Variants in STK4 observed in about 807,000 individuals in gnomAD.
STK4 encodes serine/threonine-protein kinase 4.
STK4 carries 30 observed loss-of-function variants against 64.9 expected under a neutral mutation model. The observed-to-expected ratio is 0.46, with a 90% CI of 0.35 to 0.63. The LOEUF (loss-of-function observed/expected upper bound fraction) is 0.63, where lower values mean the gene tolerates loss of function less well. Ranked by LOEUF, STK4 falls within the 20% of genes least tolerant of loss-of-function variation. STK4 has a pLI of 0.01. For synonymous variants in STK4, 177 were observed against 199.0 expected, an observed-to-expected ratio of 0.89 and a Z score of 0.93; for missense variants, 466 against 598.5, an observed-to-expected ratio of 0.78 and a Z score of 2.31.
intron 9 of STK4, among the ~76,000 whole-genome samples, chr20:45,014,838 G>A (rs533215456): frequency 4.3e-4 from 66 of 152,262 alleles, no homozygotes; most frequent in African/African-American, 1.6e-3. Flanking sequence ...AGGTCAATGG[G>A]AGGCAGAACT....
intron 9 of STK4, among the ~76,000 whole-genome samples, chr20:45,010,847 G>A (rs998345716): frequency 6.6e-5 from 10 of 152,116 alleles, no homozygotes; most frequent in African/African-American, 2.4e-4. Context: ...AGAAAGAAAG[G>A]ACAGATGGTT....
rs1239159681 is a variant in STK4, at chr20:45,055,896, C to A, written c.1306-19122C>A. On this transcript the variant is annotated intron_variant, in intron 10 of 10. Transcript: ENST00000372806. ...TAGAGGTGCACACCACCATGCCTGG[C>A]TAATTTTTGTATTTTTAGGAGAGAC... 3.9e-5 allele frequency among the ~76,000 whole-genome samples: 6 copies of A among 152,074 alleles called. No individual in the cohort carries two copies. In the East Asian group the frequency reaches 1.2e-3, roughly 29 times the overall value.
chr20:44,999,791 A>G (rs1367201869), intron 7 of STK4, among the ~76,000 whole-genome samples: 1 of 152,216 alleles, frequency 6.6e-6, no homozygotes, highest in African/African-American at 2.4e-5. Context: ...GTAGTTGGAA[A>G]TGCTACCATA....
At chr20:45,034,495 A>G (rs1288284623) in intron 10 of STK4, among the ~76,000 whole-genome samples, 2 of 152,230 alleles carry the variant, frequency 1.3e-5, no homozygotes, top group Non-Finnish European at 2.9e-5. Flanking sequence ...CCCATGTGGA[A>G]GTGTAAATGC....
intron 10 of STK4, among the ~76,000 whole-genome samples, chr20:45,034,498 G>A (rs1488683548): frequency 1.3e-5 from 2 of 152,184 alleles, no homozygotes; most frequent in African/African-American, 4.8e-5. Context: ...ATGTGGAAGT[G>A]TAAATGCATA....
chr20:45,002,755 T>C (rs1006609182), intron 9 of STK4, among the ~76,000 whole-genome samples: 1 of 152,074 alleles, frequency 6.6e-6, no homozygotes, highest in Non-Finnish European at 1.5e-5. Context: ...CAAAAAGCAA[T>C]TAGTAAACAC....
At chr20:45,037,002 CA>C (rs2068538477) in intron 10 of STK4, among the ~76,000 whole-genome samples, 1 of 152,138 alleles carries the variant, frequency 6.6e-6, no homozygotes, top group Non-Finnish European at 1.5e-5. Flanking sequence ...TACAGTTATA[CA>C]GACAGTTAGT....
rs542389989 is a variant in STK4 at position 45,077,554 on chromosome 20, T to G, written c.*2378T>G. On this transcript the variant is annotated 3_prime_UTR_variant, in exon 11 of 11. Coordinates refer to ENST00000372806, the MANE Select transcript of STK4 (RefSeq NM_006282.5). Reference sequence around the variant, plus strand: ...CATATGCCACCATGCCCAGATTATTTTTTTGTATTTGTAGTAGAGACGGGG... The same window carrying G: ...CATATGCCACCATGCCCAGATTATTGTTTTGTATTTGTAGTAGAGACGGGG... 1 of 152,378 alleles carries G rather than the reference T, an allele frequency of 6.6e-6. No homozygotes were observed. Among genetic ancestry groups the G allele is most frequent in the Admixed American group, 6.5e-5 (1 of 15,296 alleles). The allele number at this position is 152,378 out of a possible 1,614,324, so 9.4% of individuals were successfully genotyped here. A position where few individuals can be genotyped will look rare whatever the true frequency, so the allele number is the denominator to read the frequency against.
intron 10 of STK4, among the ~76,000 whole-genome samples, chr20:45,042,626 T>G (rs929459256): frequency 3.9e-5 from 6 of 152,212 alleles, no homozygotes; most frequent in Non-Finnish European, 5.9e-5. Flanking sequence ...CCAGTAATGC[T>G]GGAATGGAAA....
intron 10 of STK4, among the ~76,000 whole-genome samples, chr20:45,032,396 G>T (rs2068460150): frequency 6.6e-6 from 1 of 152,104 alleles, no homozygotes; most frequent in Non-Finnish European, 1.5e-5. Context: ...TAACCCATAG[G>T]TAGTTTTTCG....
At chr20:45,051,433 T>C (rs1289424057) in intron 10 of STK4, among the ~76,000 whole-genome samples, 2 of 152,228 alleles carry the variant, frequency 1.3e-5, no homozygotes, top group Admixed American at 1.3e-4. Context: ...CAAATTCAAA[T>C]CCTTACTGTC....
chr20:44,995,341 C>G (rs2067709205), intron 6 of STK4, 84 bp downstream of exon 6: 1 of 1,484,298 alleles, frequency 6.7e-7, no homozygotes, highest in Non-Finnish European at 9.0e-7. Context: ...TGTTGTGGCT[C>G]ACACGTGTAA....
intron 10 of STK4, among the ~76,000 whole-genome samples, chr20:45,054,588 A>T (rs1407985831): frequency 6.0e-5 from 9 of 150,800 alleles, no homozygotes; most frequent in Admixed American, 3.3e-4. Context: ...CAAAAAAAAA[A>T]AAAAAGGAAA....
In STK4 at chr20:45,080,006, A is replaced by G. The variant is rs775120231; in HGVS notation, c.*4830A>G. Reference sequence around the variant, plus strand: ...AGCCTGGATAATGGTGTTGTGAACAATCTTTGTGACATTGACTCAGTGGTG... The same window carrying G: ...AGCCTGGATAATGGTGTTGTGAACAGTCTTTGTGACATTGACTCAGTGGTG... On this transcript the variant is annotated 3_prime_UTR_variant, in exon 11 of 11. Coordinates refer to ENST00000372806, the MANE Select transcript of STK4 (RefSeq NM_006282.5). 5 of 152,340 alleles carry G rather than the reference A, an allele frequency of 3.3e-5. No individual in the cohort carries two copies. The highest frequency in any genetic ancestry group is 7.3e-5 in the Non-Finnish European group (5 of 68,036). 9.4% of individuals were successfully genotyped at this position (152,340 alleles called of 1,614,324 possible). A position where few individuals can be genotyped will look rare whatever the true frequency, so the allele number is the denominator to read the frequency against.
chr20:45,052,345 T>C (rs1472034966), intron 10 of STK4, among the ~76,000 whole-genome samples: 1 of 152,254 alleles, frequency 6.6e-6, no homozygotes, highest in Non-Finnish European at 1.5e-5. Context: ...GATATTATTT[T>C]ACACAGCTGA....
At chr20:45,053,891 A>G (rs1262259986) in intron 10 of STK4, among the ~76,000 whole-genome samples, 2 of 151,868 alleles carry the variant, frequency 1.3e-5, no homozygotes, top group Non-Finnish European at 2.9e-5. Flanking sequence ...TAAAGATAGT[A>G]GTTTTTTTTT....
Position 45,076,695 on chromosome 20 carries a change from T to G in STK4, c.*1519T>G, listed in dbSNP as rs1980543113. 6.6e-6 allele frequency: 1 copy of G among 152,236 alleles called. No homozygotes were observed. 9.4% of individuals were successfully genotyped at this position (152,236 alleles called of 1,614,324 possible). On this transcript the variant is annotated 3_prime_UTR_variant, in exon 11 of 11. Transcript: ENST00000372806. This position sits in a 1 kb window ranked among gnomAD's most constrained non-coding sequence, Gnocchi z 4.0. ...AAAAGACAGCATAGAGCCATCTTCC[T>G]GCAACTTTACCTCTTTCCCTCAGAT... is the stretch of plus-strand genomic sequence containing the variant.
chr20:45,040,361 G>C (rs946312398), intron 10 of STK4, among the ~76,000 whole-genome samples: 1 of 151,912 alleles, frequency 6.6e-6, no homozygotes, highest in Non-Finnish European at 1.5e-5. Context: ...TGGTTCCCTG[G>C]CATTCTCCAA....
chr20:45,075,881 C>T lies in STK4; in HGVS notation c.*705C>T, dbSNP rs890376483. 1 of 152,630 alleles carries T rather than the reference C, an allele frequency of 6.6e-6. No homozygotes were observed. Among genetic ancestry groups the T allele is most frequent in the Non-Finnish European group, 1.5e-5 (1 of 68,078 alleles). The allele number at this position is 152,630 out of a possible 1,614,324, so 9.5% of individuals were successfully genotyped here. ...TTGAGTCCCAGGAGAAGCCTGGCAC[C>T]CTCTTTGCAAATTGGCCTTTGCTCT... is the stretch of plus-strand genomic sequence containing the variant. On this transcript the variant is annotated 3_prime_UTR_variant, in exon 11 of 11. Coordinates refer to ENST00000372806, the MANE Select transcript of STK4 (RefSeq NM_006282.5).
Sources: allele counts gnomAD v4.1 joint callset (sites outside exome capture counted in the v4.1 genomes callset), GRCh38; gene constraint gnomAD v4.1.1; non-coding constraint Gnocchi (gnomAD v3.1); transcripts MANE v1.5; gene names NCBI Gene and HGNC (gene_info 2026-07-23, HGNC 2026-07-21).